RNF144A: variants seen among roughly 807,000 people sequenced by gnomAD.
The protein encoded by RNF144A is E3 ubiquitin-protein ligase RNF144A.
RNF144A carries 11 observed loss-of-function variants against 38.7 expected under a neutral mutation model. The ratio of observed to expected loss-of-function variants is 0.28; its 90% CI spans 0.18 to 0.47. The LOEUF is 0.47. RNF144A is among the 20% of genes least tolerant of loss of function. The pLI, the probability that RNF144A is intolerant of heterozygous loss-of-function variation, is 0.99. For synonymous variants in RNF144A, 149 were observed against 143.9 expected (o/e 1.04, Z -0.25); for missense variants, 316 against 377.2 (o/e 0.84, Z 1.34).
chr2:6,989,503 T>C (rs531620251), intron 2 of RNF144A, among the ~76,000 whole-genome samples: 41 of 152,364 alleles, frequency 2.7e-4, no homozygotes, highest in Non-Finnish European at 4.6e-4. Flanking sequence ...GAAATCATTC[T>C]GGTCAGCACC....
intron 2 of RNF144A, among the ~76,000 whole-genome samples, chr2:6,968,693 G>GT (rs5829092): frequency 0.46 from 68,911 of 149,852 alleles, 16,769 homozygotes; most frequent in Non-Finnish European, 0.57. Context: ...CTGTCAATGT[G>GT]TTTTTTTTTT....
In RNF144A at chr2:6,952,471, T is replaced by G. The variant is rs146097859; in HGVS notation, c.-12+11324T>G. Among the ~76,000 whole-genome samples the G allele has an allele frequency of 6.2e-3, 942 of 151,580 alleles. 9 individuals carry two copies. Among genetic ancestry groups the G allele is most frequent in the Middle Eastern group, 0.034 (10 of 290 alleles). ...ATATTATCTGCTCTTGAAATTTTGG[T>G]AGTACTCAACTGAAAACGAGACCTA... On this transcript the variant is annotated intron_variant, in intron 2 of 8. Transcript: ENST00000320892.
chr2:6,992,668 G>A (rs1316739763), intron 2 of RNF144A, among the ~76,000 whole-genome samples: 3 of 152,166 alleles, frequency 2.0e-5, no homozygotes, highest in Admixed American at 6.5e-5. Flanking sequence ...AGGAGTAAAG[G>A]TGGGAAGAAT....
At chr2:6,992,412 G>A (rs544567880) in intron 2 of RNF144A, among the ~76,000 whole-genome samples, 39 of 152,328 alleles carry the variant, frequency 2.6e-4, no homozygotes, top group African/African-American at 7.2e-4. Context: ...CCCAGAGACG[G>A]GAGACAGCGG....
rs1363508646 is a variant in RNF144A at position 6,944,438 on chromosome 2, G to C, written c.-12+3291G>C. On this transcript the variant is annotated intron_variant, in intron 2 of 8. Transcript: ENST00000320892. This position sits in a 1 kb window ranked among gnomAD's most constrained non-coding sequence, Gnocchi z 4.7. Reference sequence around the variant, plus strand: ...GCCTACTTACCCCTTTGGTGATACTGGGAAGGCATTGCTAAGGTGTCACGG... The same window carrying C: ...GCCTACTTACCCCTTTGGTGATACTCGGAAGGCATTGCTAAGGTGTCACGG... Among the ~76,000 whole-genome samples, 1 of 152,040 alleles carries C rather than the reference G, an allele frequency of 6.6e-6. No homozygotes were observed.
intron 7 of RNF144A, among the ~76,000 whole-genome samples, chr2:7,029,019 T>G (rs2103443394): frequency 6.6e-6 from 1 of 152,298 alleles, no homozygotes; most frequent in South Asian, 2.1e-4. Context: ...GGAGAGGAAG[T>G]CCGGCTGCAG....
intron 8 of RNF144A, among the ~76,000 whole-genome samples, chr2:7,039,156 A>G (rs1420023085): frequency 4.1e-5 from 6 of 145,680 alleles, no homozygotes; most frequent in Admixed American, 6.8e-5. Flanking sequence ...GGATAGAGAG[A>G]TGGATGATGG....
chr2:7,071,491 G>T (rs572433030), downstream of RNF144A, among the ~76,000 whole-genome samples: 2 of 152,196 alleles, frequency 1.3e-5, no homozygotes, highest in Non-Finnish European at 2.9e-5. Context: ...CTTCCCAGCC[G>T]TGTGACTTGG....
In RNF144A at chr2:6,977,580, T is replaced by C. The variant is rs1182982082; in HGVS notation, c.-11-19336T>C. Among the ~76,000 whole-genome samples the C allele has an allele frequency of 2.6e-5, 4 of 152,252 alleles. No individual in the cohort carries two copies. The East Asian group carries it at 7.7e-4, about 29-fold the overall frequency. On this transcript the variant is annotated intron_variant, in intron 2 of 8. Coordinates refer to ENST00000320892, the MANE Select transcript of RNF144A (RefSeq NM_014746.6). ...CCAAATAGTTGATATTATATGGGCATAAAATGATCTCTGTTACTGGGAAAC... is the reference window on the plus strand; with the variant it reads ...CCAAATAGTTGATATTATATGGGCACAAAATGATCTCTGTTACTGGGAAAC...
At position 6,937,223 on chromosome 2, in the gene RNF144A, T is replaced by C. The variant is rs146278649; in HGVS notation, c.-211-3725T>C. On this transcript the variant is annotated intron_variant, in intron 1 of 8. Transcript: ENST00000320892. ...GCTTGGCTGGAGGCTGTTAAAAATA[T>C]GGATGACAAACAACCAAGTGAAATG... Among the ~76,000 whole-genome samples, 151 of 152,314 alleles carry C rather than the reference T, an allele frequency of 9.9e-4. 2 individuals are homozygous for C. The East Asian group carries it at 0.027, about 28-fold the overall frequency.
chr2:6,934,530 C>G (rs1236314397), intron 1 of RNF144A, among the ~76,000 whole-genome samples: 1 of 152,116 alleles, frequency 6.6e-6, no homozygotes, highest in Non-Finnish European at 1.5e-5. Flanking sequence ...CTGAGGTTTG[C>G]TTTAAAGGCC....
intron 1 of RNF144A, among the ~76,000 whole-genome samples, chr2:6,926,965 G>A (rs1024804120): frequency 6.6e-6 from 1 of 152,168 alleles, no homozygotes; most frequent in Admixed American, 6.5e-5. Flanking sequence ...AAACAAGGGA[G>A]AGTTTACCGT....
At chr2:6,936,770 C>T (rs1047359635) in intron 1 of RNF144A, among the ~76,000 whole-genome samples, 12 of 151,934 alleles carry the variant, frequency 7.9e-5, no homozygotes, top group African/African-American at 2.9e-4. Flanking sequence ...AGTTACCAGA[C>T]AAGCACACTG....
At position 7,041,457 on chromosome 2, in the gene RNF144A, T is replaced by A. The variant is rs2103464310; in HGVS notation, c.*1697T>A. The A allele has an allele frequency of 2.0e-6, 2 of 985,946 alleles. No homozygotes were observed. The highest frequency in any genetic ancestry group is 9.4e-5 in the South Asian group (2 of 21,288). 61.1% of individuals were successfully genotyped at this position (985,946 alleles called of 1,614,324 possible). On this transcript the variant is annotated 3_prime_UTR_variant, in exon 9 of 9. Transcript: ENST00000320892. ...TGTCAAAATTACATTCAAAAAGCTC[T>A]CCTTGTAATTGCAAGTTTAGTAACT...
chr2:7,049,660 A>G (rs1673441896), intron 6 of RNF144A, among the ~76,000 whole-genome samples: 1 of 152,228 alleles, frequency 6.6e-6, no homozygotes, highest in Non-Finnish European at 1.5e-5. Flanking sequence ...AATGTTAAAT[A>G]ATAATTTAAT....
chr2:6,980,911 C>T (rs1248312145), intron 2 of RNF144A, among the ~76,000 whole-genome samples: 2 of 152,244 alleles, frequency 1.3e-5, no homozygotes, highest in African/African-American at 2.4e-5. Flanking sequence ...GCTTCCTAAG[C>T]TTAACTCTTG....
Position 7,039,882 on chromosome 2 carries a change from G to A in RNF144A, c.*122G>A. Reference sequence around the variant, plus strand: ...CTTATGTGCCCCATTGAGCTTCACAGTGTCAGGCTGGACGCCGTGATTTCA... The same window carrying A: ...CTTATGTGCCCCATTGAGCTTCACAATGTCAGGCTGGACGCCGTGATTTCA... On this transcript the variant is annotated 3_prime_UTR_variant, in exon 9 of 9. Coordinates refer to ENST00000320892, the MANE Select transcript of RNF144A (RefSeq NM_014746.6). 1 of 1,470,436 alleles carries A rather than the reference G, an allele frequency of 6.8e-7. No individual in the cohort carries two copies. Among genetic ancestry groups the A allele is most frequent in the East Asian group, 2.5e-5 (1 of 40,368 alleles). The allele number at this position is 1,470,436 out of a possible 1,614,324, so 91.1% of individuals were successfully genotyped here. A position where few individuals can be genotyped will look rare whatever the true frequency, so the allele number is the denominator to read the frequency against.
chr2:6,924,552 C>T (rs987626628), intron 1 of RNF144A, among the ~76,000 whole-genome samples: 39 of 152,252 alleles, frequency 2.6e-4, no homozygotes, highest in Admixed American at 1.2e-3. Context: ...AGACCCAGGA[C>T]GGGCAGGGTT....
intron 5 of RNF144A, among the ~76,000 whole-genome samples, chr2:7,019,422 G>T (rs1295250700): frequency 6.6e-6 from 1 of 152,246 alleles, no homozygotes; most frequent in Non-Finnish European, 1.5e-5. Flanking sequence ...AGCGGGAGCT[G>T]CCCGGCGGCC....
Sources: allele counts gnomAD v4.1 joint callset (sites outside exome capture counted in the v4.1 genomes callset), GRCh38; gene constraint gnomAD v4.1.1; non-coding constraint Gnocchi (gnomAD v3.1); transcripts MANE v1.5; gene names NCBI Gene and HGNC (gene_info 2026-07-23, HGNC 2026-07-21).